The following PLEKHH2 variants were observed in gnomAD, a reference collection of about 807,000 sequenced individuals.
PLEKHH2 encodes the protein pleckstrin homology, MyTH4 and FERM domain containing H2, also known as pleckstrin homology domain-containing family H member 2.
PLEKHH2 carries 129 observed loss-of-function variants against 187.9 expected under a neutral mutation model. The ratio of observed to expected loss-of-function variants is 0.69; its 90% CI spans 0.59 to 0.79. The LOEUF is 0.79. Ranked by LOEUF, PLEKHH2 falls within the 30% of genes least tolerant of loss-of-function variation. The probability of loss-of-function intolerance (pLI) is 0.00; values close to 1 mark genes in which losing one functional copy is unlikely to be tolerated. For synonymous variants in PLEKHH2, 686 were observed against 605.6 expected, an observed-to-expected ratio of 1.13 and a Z score of -1.95; for missense variants, 2,076 against 1,751.2, an observed-to-expected ratio of 1.19 and a Z score of -3.31.
At chr2:43,731,287 A>G (rs1671024839) in intron 18 of PLEKHH2, among the ~76,000 whole-genome samples, 1 of 152,206 alleles carries the variant, frequency 6.6e-6, no homozygotes, top group Non-Finnish European at 1.5e-5. Context: ...TAAAAAAAAC[A>G]AAACACAAAA....
At chr2:43,640,562 A>C (rs1293233700) in intron 1 of PLEKHH2, among the ~76,000 whole-genome samples, 5 of 152,156 alleles carry the variant, frequency 3.3e-5, no homozygotes, top group Admixed American at 2.0e-4. Context: ...TCCCACCAAC[A>C]ATGTATGAGG....
intron 28 of PLEKHH2, among the ~76,000 whole-genome samples, chr2:43,763,625 T>C (rs1672514708): frequency 6.6e-6 from 1 of 150,458 alleles, no homozygotes; most frequent in South Asian, 2.1e-4. Flanking sequence ...TGGGTCTCCC[T>C]ATGTTGCCCA....
chr2:43,744,606 G>A (rs4953006), intron 23 of PLEKHH2, among the ~76,000 whole-genome samples: 30,639 of 152,074 alleles, frequency 0.2, 3,322 homozygotes, highest in Admixed American at 0.3. Flanking sequence ...AGTGGCTTAC[G>A]CCTGTAATCC....
At chr2:43,729,424 A>G (rs569469377) in intron 17 of PLEKHH2, among the ~76,000 whole-genome samples, 4 of 152,360 alleles carry the variant, frequency 2.6e-5, no homozygotes, top group Non-Finnish European at 4.4e-5. Flanking sequence ...CATCTGAATA[A>G]GAAAAGTGTA....
At chr2:43,755,610 G>A (rs1044838407) in intron 25 of PLEKHH2, among the ~76,000 whole-genome samples, 1 of 152,206 alleles carries the variant, frequency 6.6e-6, no homozygotes. Flanking sequence ...AAGGGACAGT[G>A]TGTGTCTCTG....
intron 2 of PLEKHH2, 35 bp from the exon 3 acceptor site, chr2:43,678,827 TA>T: frequency 6.6e-7 from 1 of 1,506,052 alleles, no homozygotes; most frequent in Non-Finnish European, 9.1e-7. Flanking sequence ...TTTTCAAAAA[TA>T]AATTTTTGTA....
chr2:43,754,205 C>CACACACACA (rs1553353833), intron 25 of PLEKHH2, among the ~76,000 whole-genome samples: 1 of 143,078 alleles, frequency 7.0e-6, no homozygotes, highest in African/African-American at 2.7e-5. Context: ...CACACACACA[C>CACACACACA]AAAATTAATA....
At position 43,712,475 on chromosome 2, in the gene PLEKHH2, T is replaced by C. The variant is rs1572603787; in HGVS notation, c.2460+92T>C. 11 of 1,378,474 alleles carry C rather than the reference T, an allele frequency of 8.0e-6. No individual in the cohort carries two copies. The East Asian group carries it at 2.5e-4, about 31-fold the overall frequency. The allele number at this position is 1,378,474 out of a possible 1,614,324, so 85.4% of individuals were successfully genotyped here. The stretch of plus-strand genomic sequence containing the variant: ...TGGGATGTCAGAGCATATACATATA[T>C]TGAATATTGATATGATCTTGGGGAT... On this transcript the variant is annotated intron_variant, in intron 15 of 29. Coordinates refer to ENST00000282406, the MANE Select transcript of PLEKHH2 (RefSeq NM_172069.4).
chr2:43,720,035 A>G (rs1327711522), intron 15 of PLEKHH2, among the ~76,000 whole-genome samples: 1 of 152,176 alleles, frequency 6.6e-6, no homozygotes, highest in African/African-American at 2.4e-5. Flanking sequence ...TACAAGTGGA[A>G]TTCTATTACA....
At chr2:43,753,593 G>A (rs1672088821) in intron 24 of PLEKHH2, 26 bp from the exon 25 acceptor site, 1 of 1,428,366 alleles carries the variant, frequency 7.0e-7, no homozygotes, top group African/African-American at 1.5e-5. Context: ...ATAATTTAAT[G>A]AGAAATTTAC....
intron 2 of PLEKHH2, among the ~76,000 whole-genome samples, chr2:43,656,713 G>T (rs1405627287): frequency 1.3e-5 from 2 of 152,262 alleles, no homozygotes; most frequent in African/African-American, 4.8e-5. Flanking sequence ...TACAATTTTT[G>T]TCCATTAGAG....
intron 3 of PLEKHH2, among the ~76,000 whole-genome samples, chr2:43,688,334 A>G (rs907878741): frequency 1.3e-5 from 2 of 152,258 alleles, no homozygotes; most frequent in Non-Finnish European, 2.9e-5. Context: ...GTAACTGGAA[A>G]GTAGTCTGGG....
At chr2:43,706,736 G>T (rs986641885) in intron 10 of PLEKHH2, among the ~76,000 whole-genome samples, 5 of 152,150 alleles carry the variant, frequency 3.3e-5, no homozygotes, top group Admixed American at 6.5e-5. Flanking sequence ...GCAGATCTTT[G>T]TATCAGTGCC....
chr2:43,733,040 A>T (rs1005526009), intron 19 of PLEKHH2, among the ~76,000 whole-genome samples: 4 of 152,176 alleles, frequency 2.6e-5, no homozygotes, highest in African/African-American at 9.7e-5. Context: ...AAATTAGAGG[A>T]CATCAGACAT....
chr2:43,756,999 A>C, intron 25 of PLEKHH2, 120 bp from the exon 26 acceptor site: 1 of 640,276 alleles, frequency 1.6e-6, no homozygotes, highest in South Asian at 4.8e-5. Flanking sequence ...TCACATAATC[A>C]TGACAAATAG....
intron 2 of PLEKHH2, chr2:43,675,741 T>G: frequency 6.2e-7 from 1 of 1,613,836 alleles, no homozygotes; most frequent in South Asian, 1.1e-5. Flanking sequence ...GTCTGTTAAG[T>G]CTTTTCATCA....
chr2:43,667,389 A>G lies in PLEKHH2; in HGVS notation c.124-11474A>G, dbSNP rs115767010. ...TGGAAAACAGTTGGGTAGTTCTTCA[A>G]AAAGTTAAATATAGAGTTATTATAT... On this transcript the variant is annotated intron_variant, in intron 2 of 29. Transcript: ENST00000282406. 2.4e-3 allele frequency among the ~76,000 whole-genome samples: 366 copies of G among 152,340 alleles called. 1 individual carries two copies. Among genetic ancestry groups the G allele is most frequent in the African/African-American group, 8.1e-3 (338 of 41,578 alleles).
intron 2 of PLEKHH2, among the ~76,000 whole-genome samples, chr2:43,656,481 A>T (rs539905001): frequency 6.6e-6 from 1 of 152,154 alleles, no homozygotes; most frequent in Non-Finnish European, 1.5e-5. Flanking sequence ...TAGAAGCTGC[A>T]TGTCAAAATG....
At chr2:43,673,260 T>A (rs139960487) in intron 2 of PLEKHH2, among the ~76,000 whole-genome samples, 4 of 152,286 alleles carry the variant, frequency 2.6e-5, no homozygotes, top group African/African-American at 9.6e-5. Context: ...CCTCCATCCA[T>A]AAAAATTTGT....
Sources: gnomAD v4.1 joint callset for allele counts (sites outside exome capture counted in the v4.1 genomes callset) on GRCh38, gnomAD v4.1.1 for gene constraint, MANE v1.5 for transcripts, NCBI Gene and HGNC (gene_info 2026-07-23, HGNC 2026-07-21) for gene names.